Variants in CENPP observed in about 807,000 individuals in gnomAD.
The protein encoded by CENPP is centromere protein P.
CENPP carries 24 observed loss-of-function variants against 35.6 expected under a neutral mutation model. The ratio of observed to expected loss-of-function variants is 0.67; its 90% CI spans 0.49 to 0.95. The LOEUF is 0.95. Ranked by LOEUF, CENPP falls within the 40% of genes least tolerant of loss-of-function variation. CENPP has a pLI of 0.00. For synonymous variants in CENPP, 120 were observed against 125.5 expected (o/e 0.96, Z 0.29); for missense variants, 332 against 345.3 (o/e 0.96, Z 0.31).
At chr9:92,375,551 C>T (rs1375621213) in intron 4 of CENPP, among the ~76,000 whole-genome samples, 3 of 152,110 alleles carry the variant, frequency 2.0e-5, no homozygotes, top group Non-Finnish European at 4.4e-5. Context: ...CCACCTCGGC[C>T]TCCCAAAGTG....
chr9:92,576,006 A>G (rs979020358), intron 5 of CENPP, among the ~76,000 whole-genome samples: 9 of 152,226 alleles, frequency 5.9e-5, no homozygotes, highest in African/African-American at 2.2e-4. Context: ...CACCTGAGGT[A>G]CATGCCAGAA....
At chr9:92,472,452 G>A (rs1371109017) in intron 5 of CENPP, among the ~76,000 whole-genome samples, 2 of 151,682 alleles carry the variant, frequency 1.3e-5, no homozygotes, top group Non-Finnish European at 2.9e-5. Flanking sequence ...GAGGTCAGGA[G>A]ATCAAGACCA....
intron 2 of CENPP, among the ~76,000 whole-genome samples, chr9:92,332,831 T>G (rs551635266): frequency 2.0e-4 from 30 of 150,700 alleles, no homozygotes; most frequent in African/African-American, 7.3e-4. Flanking sequence ...AAGGGCTGCC[T>G]GAGATAAATA....
chr9:92,416,058 G>GTATATATA (rs1554760078), intron 5 of CENPP, among the ~76,000 whole-genome samples: 9 of 130,930 alleles, frequency 6.9e-5, no homozygotes, highest in African/African-American at 2.5e-4. Context: ...ATATATGTGT[G>GTATATATA]TATATATATA....
chr9:92,575,628 A>G (rs547145312), intron 5 of CENPP, among the ~76,000 whole-genome samples: 1 of 152,254 alleles, frequency 6.6e-6, no homozygotes, highest in South Asian at 2.1e-4. Flanking sequence ...CCTGGCCAAC[A>G]TGGTGAAACC....
intron 4 of CENPP, among the ~76,000 whole-genome samples, chr9:92,361,455 T>G (rs1444881375): frequency 1.4e-5 from 1 of 73,724 alleles, no homozygotes; most frequent in African/African-American, 7.7e-5. Context: ...TTTATTTTAT[T>G]TTATTTTATT....
intron 4 of CENPP, among the ~76,000 whole-genome samples, chr9:92,362,545 T>C (rs1445329586): frequency 6.6e-6 from 1 of 152,200 alleles, no homozygotes; most frequent in Non-Finnish European, 1.5e-5. Flanking sequence ...CCCTCATAGG[T>C]GATATTAAGT....
intron 4 of CENPP, among the ~76,000 whole-genome samples, chr9:92,360,866 G>C (rs1841728745): frequency 6.6e-6 from 1 of 151,226 alleles, no homozygotes; most frequent in African/African-American, 2.4e-5. Context: ...CACCACACCC[G>C]GCTAATTATT....
intron 5 of CENPP, among the ~76,000 whole-genome samples, chr9:92,427,364 T>C (rs969725937): frequency 1.3e-5 from 2 of 152,188 alleles, no homozygotes; most frequent in Admixed American, 6.5e-5. Flanking sequence ...GGTTTCACCA[T>C]GTTGGCCAGC....
intron 5 of CENPP, among the ~76,000 whole-genome samples, chr9:92,554,367 A>G (rs7849788): frequency 0.43 from 64,842 of 151,450 alleles, 16,410 homozygotes; most frequent in African/African-American, 0.71. Context: ...GTATTTGGTA[A>G]AGATGGGGTT....
chr9:92,455,672 G>T (rs538392805), intron 5 of CENPP, among the ~76,000 whole-genome samples: 2 of 152,166 alleles, frequency 1.3e-5, no homozygotes, highest in East Asian at 3.9e-4. Flanking sequence ...TTAAAATCTT[G>T]TTTTTGATGT....
At chr9:92,331,082 A>T (rs1036290795) in intron 1 of CENPP, among the ~76,000 whole-genome samples, 8 of 152,174 alleles carry the variant, frequency 5.3e-5, no homozygotes, top group African/African-American at 1.7e-4. Flanking sequence ...GAGATTTGCT[A>T]TTTCTTTTTC....
At chr9:92,533,174 C>T (rs1037162907) in intron 5 of CENPP, among the ~76,000 whole-genome samples, 11 of 149,864 alleles carry the variant, frequency 7.3e-5, no homozygotes, top group South Asian at 6.4e-4. Flanking sequence ...GTGGCACGCG[C>T]GTGTAGTCCC....
chr9:92,562,823 G>A (rs896631652), intron 5 of CENPP, among the ~76,000 whole-genome samples: 2 of 152,136 alleles, frequency 1.3e-5, no homozygotes, highest in Non-Finnish European at 2.9e-5. Flanking sequence ...TGAAAAAGAC[G>A]ACTTTGGCAA....
At chr9:92,487,493 G>A (rs955466708) in intron 5 of CENPP, among the ~76,000 whole-genome samples, 1 of 152,158 alleles carries the variant, frequency 6.6e-6, no homozygotes, top group East Asian at 1.9e-4. Context: ...AGGGTTAAAA[G>A]GATCAGAGTT....
chr9:92,356,046 A>C (rs956135103), intron 4 of CENPP, among the ~76,000 whole-genome samples: 1 of 152,212 alleles, frequency 6.6e-6, no homozygotes, highest in Non-Finnish European at 1.5e-5. Context: ...TTAGTCAACT[A>C]TTTTACTAAC....
At chr9:92,491,624 A>G (rs1482950546) in intron 5 of CENPP, among the ~76,000 whole-genome samples, 4 of 152,226 alleles carry the variant, frequency 2.6e-5, no homozygotes, top group East Asian at 3.9e-4. Flanking sequence ...ATTCTCTCAC[A>G]GATGGCCCCT....
intron 5 of CENPP, chr9:92,460,621 CTATT>C (rs1845073129): frequency 2.7e-6 from 3 of 1,120,358 alleles, no homozygotes; most frequent in Non-Finnish European, 4.0e-6. Context: ...GCCCAATTGA[CTATT>C]TGTTTACTTT....
intron 5 of CENPP, chr9:92,510,043 G>A: frequency 6.3e-7 from 1 of 1,585,664 alleles, no homozygotes; most frequent in Non-Finnish European, 8.5e-7. Flanking sequence ...AGCTTAAAAA[G>A]CAAATCTCAA....
Sources: allele counts gnomAD v4.1 joint callset (sites outside exome capture counted in the v4.1 genomes callset), GRCh38; gene constraint gnomAD v4.1.1; transcripts MANE v1.5; gene names NCBI Gene and HGNC (gene_info 2026-07-23, HGNC 2026-07-21).